Variants in EPN2 observed in about 807,000 individuals in gnomAD.
EPN2 encodes the protein epsin-2.
EPN2 carries 34 observed loss-of-function variants against 61.7 expected under a neutral mutation model. The ratio of observed to expected loss-of-function variants is 0.55; its 90% CI spans 0.42 to 0.73. The LOEUF (loss-of-function observed/expected upper bound fraction) is 0.73, where lower values mean the gene tolerates loss of function less well. EPN2 is among the 30% of genes least tolerant of loss of function. EPN2 has a pLI of 0.00. For missense variants in EPN2, 714 were observed against 839.2 expected (o/e 0.85, Z 1.84); for synonymous variants, 349 against 353.6 (o/e 0.99, Z 0.15).
At chr17:19,288,205 G>C (rs1042562192) in intron 4 of EPN2, among the ~76,000 whole-genome samples, 17 of 152,162 alleles carry the variant, frequency 1.1e-4, no homozygotes, top group African/African-American at 4.1e-4. Flanking sequence ...TCCCAGGCCT[G>C]CTGACGTCTG....
intron 1 of EPN2, among the ~76,000 whole-genome samples, chr17:19,257,173 A>G (rs1390800550): frequency 6.6e-6 from 1 of 151,824 alleles, no homozygotes; most frequent in Non-Finnish European, 1.5e-5. Flanking sequence ...AAAACCCCCT[A>G]GATTTTCATT....
At chr17:19,246,377 T>A (rs1381945714) in intron 1 of EPN2, among the ~76,000 whole-genome samples, 2 of 152,000 alleles carry the variant, frequency 1.3e-5, no homozygotes, top group Non-Finnish European at 2.9e-5. Flanking sequence ...TAATAATAAT[T>A]CCATGTGAAG....
chr17:19,308,284 G>C (rs147660626), intron 4 of EPN2: 1 of 798,652 alleles, frequency 1.3e-6, no homozygotes, highest in Non-Finnish European at 1.5e-6. Context: ...ATTTTGGCCA[G>C]GCTTGTCTAG....
Position 19,328,878 on chromosome 17 carries a change from T to A in EPN2, c.1315T>A (p.Ser439Thr). 1 of 1,610,852 alleles carries A rather than the reference T, an allele frequency of 6.2e-7. No individual in the cohort carries two copies. The highest frequency in any genetic ancestry group is 8.5e-7 in the Non-Finnish European group (1 of 1,178,284). Residue 439 changes from serine (S) to threonine (T), a missense_variant, in exon 8 of 11, where the codon TCT (serine) becomes ACT (threonine). This residue lies in a region of EPN2 where 410 missense variants were observed against 421.8 expected (regional missense o/e 0.97). Transcript: ENST00000314728. ...WGAVSTTKPVSVSGSFELFSN... is the reference protein window; with the variant it reads ...WGAVSTTKPVTVSGSFELFSN... ...CGCAGTCTCCACCACCAAGCCCGTG[T>A]CTGTCTCTGGTGAGCCCCTCACTCA...
intron 4 of EPN2, among the ~76,000 whole-genome samples, chr17:19,304,689 G>C (rs1460475371): frequency 1.3e-5 from 2 of 152,224 alleles, no homozygotes; most frequent in African/African-American, 4.8e-5. Flanking sequence ...TCCTCCCACA[G>C]GCCCCACTGT....
intron 1 of EPN2, among the ~76,000 whole-genome samples, chr17:19,243,596 T>C (rs2044911237): frequency 6.6e-6 from 1 of 151,980 alleles, no homozygotes; most frequent in Non-Finnish European, 1.5e-5. Flanking sequence ...GGTTTCACCG[T>C]GTTAGCCAGG....
intron 7 of EPN2, among the ~76,000 whole-genome samples, chr17:19,326,492 C>T (rs189514491): frequency 3.0e-4 from 46 of 152,184 alleles, no homozygotes; most frequent in Non-Finnish European, 4.3e-4. Context: ...CGAGACCATC[C>T]TGGCTAACAC....
At chr17:19,303,436 G>T (rs574845811) in intron 4 of EPN2, among the ~76,000 whole-genome samples, 1 of 152,236 alleles carries the variant, frequency 6.6e-6, no homozygotes, top group East Asian at 1.9e-4. Flanking sequence ...CCATTTCTCC[G>T]GGCCAGCCTT....
In EPN2 at chr17:19,285,593, G is replaced by C. The variant is rs1260051552; in HGVS notation, c.596-27G>C. Reference sequence around the variant, plus strand: ...ACCCTCTAATGGCGTGTCTCTCTGTGTGTGTGTGTGTGTCCCTGCCCCACA... The same window carrying C: ...ACCCTCTAATGGCGTGTCTCTCTGTCTGTGTGTGTGTGTCCCTGCCCCACA... On this transcript the variant is annotated intron_variant, in intron 3 of 10. Coordinates refer to ENST00000314728, the MANE Select transcript of EPN2 (RefSeq NM_014964.5). This position sits in a 1 kb window ranked among gnomAD's most constrained non-coding sequence, Gnocchi z 4.5. 4.5e-6 allele frequency: 6 copies of C among 1,321,836 alleles called. No individual in the cohort carries two copies. Among genetic ancestry groups the C allele is most frequent in the African/African-American group, 1.5e-5 (1 of 67,898 alleles). 81.9% of individuals were successfully genotyped at this position (1,321,836 alleles called of 1,614,324 possible).
intron 7 of EPN2, among the ~76,000 whole-genome samples, chr17:19,319,162 C>T (rs1906530083): frequency 6.6e-6 from 1 of 151,454 alleles, no homozygotes; most frequent in Non-Finnish European, 1.5e-5. Context: ...CATGCCACTG[C>T]ACTCCAGCCT....
chr17:19,286,116 C>G (rs139155540), intron 4 of EPN2, among the ~76,000 whole-genome samples: 2 of 152,326 alleles, frequency 1.3e-5, no homozygotes, highest in East Asian at 3.9e-4. Flanking sequence ...TGCCACCTAT[C>G]AGGCCCACCC....
In EPN2 at chr17:19,328,774, TC is replaced by T. The variant is rs765998464; in HGVS notation, c.1215del (p.Lys406ArgfsTer45). ...CCCACTGGAGCCACCGTACAATCTGTCCCCAAGAACTCGGACCCCTGGGCAG... is the reference window on the plus strand; with the variant it reads ...CCCACTGGAGCCACCGTACAATCTGTCCCAAGAACTCGGACCCCTGGGCAG... Reference protein sequence around the residue: ...GVPTGATVQSVPKNSDPWAAS... With the variant: ...GVPTGATVQSXPKNSDPWAAS... On this transcript the variant is annotated frameshift_variant, in exon 8 of 11. Coordinates refer to ENST00000314728, the MANE Select transcript of EPN2 (RefSeq NM_014964.5). LOFTEE classifies it high-confidence loss of function. 1 of 1,613,490 alleles carries T rather than the reference TC, an allele frequency of 6.2e-7. No homozygotes were observed. The highest frequency in any genetic ancestry group is 8.5e-7 in the Non-Finnish European group (1 of 1,179,610).
At chr17:19,279,500 G>A (rs150922396) in intron 1 of EPN2, among the ~76,000 whole-genome samples, 1,559 of 151,414 alleles carry the variant, frequency 0.01, 21 homozygotes, top group African/African-American at 0.036. Context: ...GTGCAGTGGC[G>A]CAATCTCAGC....
chr17:19,329,075 C>T, intron 8 of EPN2, 188 bp downstream of exon 8: 1 of 548,948 alleles, frequency 1.8e-6, no homozygotes, highest in Non-Finnish European at 3.2e-6. Context: ...TGCGAGTTCC[C>T]AGGCTTTGTG....
At chr17:19,272,200 T>C (rs976247218) in intron 1 of EPN2, among the ~76,000 whole-genome samples, 6 of 152,128 alleles carry the variant, frequency 3.9e-5, no homozygotes, top group African/African-American at 1.4e-4. Flanking sequence ...TCAGCCAGTG[T>C]TTTCTCTAGC....
chr17:19,289,074 GTTTT>G (rs1162172422), intron 4 of EPN2, among the ~76,000 whole-genome samples: 2 of 68,688 alleles, frequency 2.9e-5, no homozygotes, highest in East Asian at 7.7e-4. Flanking sequence ...TTCTGGGTAT[GTTTT>G]TTTTTTTTTT....
intron 8 of EPN2, 37 bp downstream of exon 8, chr17:19,328,924 C>T: frequency 6.3e-7 from 1 of 1,581,088 alleles, no homozygotes; most frequent in Non-Finnish European, 8.6e-7. Context: ...TGCCTGGCCT[C>T]TGAGCGCCCA....
Position 19,332,667 on chromosome 17 carries a change from C to T in EPN2, c.1627+599C>T, listed in dbSNP as rs1346328068. 2.0e-5 allele frequency among the ~76,000 whole-genome samples: 3 copies of T among 152,216 alleles called. No individual in the cohort carries two copies. In the East Asian group the frequency reaches 5.8e-4, roughly 29 times the overall value. On this transcript the variant is annotated intron_variant, in intron 10 of 10. Transcript: ENST00000314728. ...TGACATCCAGCCCCTTGGCGCCCCT[C>T]AGCCTGTAGAGCCCTTCCTTAAGCC... is the stretch of plus-strand genomic sequence containing the variant.
chr17:19,290,870 T>C (rs2045457810), intron 4 of EPN2, among the ~76,000 whole-genome samples: 1 of 152,122 alleles, frequency 6.6e-6, no homozygotes, highest in South Asian at 2.1e-4. Flanking sequence ...CGGGTCTTCT[T>C]GGCTCTCCTC....
Sources: allele counts gnomAD v4.1 joint callset (sites outside exome capture counted in the v4.1 genomes callset), GRCh38; gene constraint gnomAD v4.1.1; regional missense constraint gnomAD v4.1.1; non-coding constraint Gnocchi (gnomAD v3.1); transcripts MANE v1.5; gene names NCBI Gene and HGNC (gene_info 2026-07-23, HGNC 2026-07-21).